SOX5: variants seen among roughly 807,000 people sequenced by gnomAD.
The protein encoded by SOX5 is transcription factor SOX-5.
A neutral mutation model predicts 92.0 loss-of-function variants in SOX5; 9 were observed. The observed-to-expected ratio is 0.10, with a 90% CI of 0.06 to 0.17. The LOEUF (loss-of-function observed/expected upper bound fraction) is 0.17. SOX5 is among the 10% of genes least tolerant of loss of function. The pLI, the probability that SOX5 is intolerant of heterozygous loss-of-function variation, is 1.00. For missense variants in SOX5, 642 were observed against 944.5 expected (o/e 0.68, Z 4.20); for synonymous variants, 344 against 336.3 (o/e 1.02, Z -0.25).
intron 6 of SOX5, among the ~76,000 whole-genome samples, chr12:23,672,599 T>C (rs1294500205): frequency 6.6e-6 from 1 of 152,152 alleles, no homozygotes; most frequent in African/African-American, 2.4e-5. Flanking sequence ...AAACTACTAC[T>C]ACAATAATAC....
chr12:24,364,511 C>CATATATATATAT (rs58135899), intron 2 of SOX5, among the ~76,000 whole-genome samples: 2,121 of 110,218 alleles, frequency 0.019, 30 homozygotes, highest in East Asian at 0.053. Flanking sequence ...AACATTTTTT[C>CATATATATATAT]ATATATATAT....
At chr12:23,932,976 C>T (rs980809781) in intron 1 of SOX5, among the ~76,000 whole-genome samples, 1 of 151,482 alleles carries the variant, frequency 6.6e-6, no homozygotes, top group African/African-American at 2.4e-5. Flanking sequence ...GTAAAATGTC[C>T]TTCTTATTCC....
intron 9 of SOX5, 140 bp downstream of exon 9, chr12:23,604,247 C>T: frequency 2.7e-6 from 2 of 734,406 alleles, no homozygotes; most frequent in Non-Finnish European, 2.3e-6. Flanking sequence ...GACATGCACA[C>T]CTGTTGCCCT....
intron 3 of SOX5, among the ~76,000 whole-genome samples, chr12:23,764,514 G>A (rs1375817675): frequency 6.6e-6 from 1 of 151,984 alleles, no homozygotes; most frequent in Non-Finnish European, 1.5e-5. Flanking sequence ...AGATGAGAGT[G>A]CGTAGTTCTG....
intron 4 of SOX5, among the ~76,000 whole-genome samples, chr12:23,993,465 G>T (rs1453393137): frequency 6.6e-6 from 1 of 152,110 alleles, no homozygotes; most frequent in African/African-American, 2.4e-5. Flanking sequence ...GCAAGTCAAT[G>T]CTGTAAAAGG....
rs536414063 is a variant in SOX5 at position 23,843,845 on chromosome 12, T to C, written c.481+2138A>G. 4.6e-5 allele frequency among the ~76,000 whole-genome samples: 7 copies of C among 152,288 alleles called. No homozygotes were observed. The South Asian group carries it at 1.2e-3, about 27-fold the overall frequency. Reference sequence around the variant, plus strand: ...TCCCAAAGTGCTGGGATTATAGGCATGAGCCACCGTGCCCAGCCTTGGCAG... The same window carrying C: ...TCCCAAAGTGCTGGGATTATAGGCACGAGCCACCGTGCCCAGCCTTGGCAG... On this transcript the variant is annotated intron_variant, in intron 3 of 14. Transcript: ENST00000451604.
intron 4 of SOX5, among the ~76,000 whole-genome samples, chr12:24,076,701 T>A (rs890168697): frequency 4.3e-5 from 1 of 23,168 alleles, no homozygotes; most frequent in Admixed American, 8.0e-4. Context: ...AAAGCTGCCT[T>A]TTTTTTTTTT....
At chr12:24,241,487 C>A (rs1319117012) in intron 3 of SOX5, among the ~76,000 whole-genome samples, 1 of 152,108 alleles carries the variant, frequency 6.6e-6, no homozygotes, top group African/African-American at 2.4e-5. Context: ...TAAATCAGAA[C>A]TAAGGTTCAC....
At chr12:24,010,685 A>C (rs1952813514) in intron 4 of SOX5, among the ~76,000 whole-genome samples, 1 of 152,214 alleles carries the variant, frequency 6.6e-6, no homozygotes, top group Admixed American at 6.5e-5. Flanking sequence ...CTGTAATCCC[A>C]GCACTTTGGA....
At chr12:24,276,703 A>G (rs1302432330) in intron 3 of SOX5, among the ~76,000 whole-genome samples, 2 of 152,184 alleles carry the variant, frequency 1.3e-5, no homozygotes, top group Non-Finnish European at 2.9e-5. Context: ...ATAGATGCCC[A>G]TGGAATGTTT....
intron 3 of SOX5, among the ~76,000 whole-genome samples, chr12:23,764,408 G>A (rs1266020913): frequency 6.6e-6 from 1 of 151,946 alleles, no homozygotes; most frequent in Admixed American, 6.6e-5. Context: ...AAGTATACAA[G>A]AATCAGGCAT....
chr12:24,072,441 G>A (rs1389161810), intron 4 of SOX5, among the ~76,000 whole-genome samples: 1 of 152,236 alleles, frequency 6.6e-6, no homozygotes, highest in African/African-American at 2.4e-5. Flanking sequence ...AGAAAGGGAT[G>A]AGATCAGTGT....
intron 8 of SOX5, among the ~76,000 whole-genome samples, chr12:23,637,130 A>G (rs180868301): frequency 1.1e-4 from 17 of 152,240 alleles, no homozygotes; most frequent in Non-Finnish European, 2.4e-4. Flanking sequence ...TTTGTGTTTA[A>G]AATATATATC....
intron 3 of SOX5, among the ~76,000 whole-genome samples, chr12:24,244,704 CA>C (rs1938264765): frequency 6.6e-6 from 1 of 152,050 alleles, no homozygotes. Context: ...CTATTATTAT[CA>C]GTAATGTCTT....
intron 4 of SOX5, among the ~76,000 whole-genome samples, chr12:23,960,514 C>CATAT (rs61480895): frequency 1.3e-4 from 14 of 106,964 alleles, no homozygotes; most frequent in African/African-American, 4.4e-4. Flanking sequence ...TATTTATATA[C>CATAT]ATATATATAT....
At chr12:23,675,884 A>G (rs1356462707) in intron 6 of SOX5, among the ~76,000 whole-genome samples, 1 of 152,208 alleles carries the variant, frequency 6.6e-6, no homozygotes, top group African/African-American at 2.4e-5. Context: ...AAAATGGCCA[A>G]TAGGTATGGT....
chr12:24,237,741 G>A (rs1456640916), intron 3 of SOX5: 3 of 152,268 alleles, frequency 2.0e-5, no homozygotes, highest in East Asian at 3.9e-4. Context: ...TATTTCATGT[G>A]TATTATCTTG....
At chr12:23,645,650 A>T (rs898240018) in intron 7 of SOX5, among the ~76,000 whole-genome samples, 1 of 152,198 alleles carries the variant, frequency 6.6e-6, no homozygotes, top group African/African-American at 2.4e-5. Flanking sequence ...TTTAAAGCTC[A>T]TTACTTATAA....
At chr12:24,343,371 GC>G (rs145497692) in intron 2 of SOX5, among the ~76,000 whole-genome samples, 7,445 of 151,974 alleles carry the variant, frequency 0.049, 658 homozygotes, top group East Asian at 0.42. Context: ...TCCAATTCAT[GC>G]CCTTTTCTAT....
Sources: gnomAD v4.1 joint callset for allele counts (sites outside exome capture counted in the v4.1 genomes callset) on GRCh38, gnomAD v4.1.1 for gene constraint, MANE v1.5 for transcripts, NCBI Gene and HGNC (gene_info 2026-07-23, HGNC 2026-07-21) for gene names.